TENM3: variants seen among roughly 807,000 people sequenced by gnomAD.
TENM3 encodes teneurin-3.
TENM3 carries 63 observed loss-of-function variants against 255.1 expected under a neutral mutation model. The observed-to-expected ratio is 0.25, with a 90% CI of 0.20 to 0.30. TENM3 has a LOEUF of 0.30. Among genes scored for constraint, TENM3 ranks in the 10% least tolerant of loss-of-function variants. The probability of loss-of-function intolerance (pLI) is 1.00; values close to 1 mark genes in which losing one functional copy is unlikely to be tolerated. For missense variants in TENM3, 2,929 were observed against 3,461.1 expected, an observed-to-expected ratio of 0.85 and a Z score of 3.86; for synonymous variants, 1,306 against 1,322.3, an observed-to-expected ratio of 0.99 and a Z score of 0.27.
chr4:182,496,654 A>G (rs1345189543), intron 3 of TENM3, among the ~76,000 whole-genome samples: 1 of 152,182 alleles, frequency 6.6e-6, no homozygotes, highest in East Asian at 1.9e-4. Context: ...TTGTAGCTTC[A>G]TTAAAAATCT....
chr4:181,977,803 CAG>C, the TENM3 span, among the ~76,000 whole-genome samples: 1 of 152,128 alleles, frequency 6.6e-6, no homozygotes, highest in Admixed American at 6.5e-5. Flanking sequence ...TGCTCACCAT[CAG>C]GGGTGAGGTG....
rs1336085292 is a variant in TENM3, at chr4:182,799,549, G to A, written c.7345-47G>A. ...CCCGTGTGTGGGTCAGGAGTGGGGA[G>A]GCTCCCGGCCGCCTCTGACGCGCCC... On this transcript the variant is annotated intron_variant, in intron 27 of 27. Coordinates refer to ENST00000511685, the MANE Select transcript of TENM3 (RefSeq NM_001080477.4). This position sits in a 1 kb window ranked among gnomAD's most constrained non-coding sequence, Gnocchi z 4.2. The A allele has an allele frequency of 5.3e-6, 8 of 1,519,798 alleles. No individual in the cohort carries two copies. Among genetic ancestry groups the A allele is most frequent in the Non-Finnish European group, 6.1e-6 (7 of 1,142,364 alleles). 94.1% of individuals were successfully genotyped at this position (1,519,798 alleles called of 1,614,324 possible).
chr4:182,375,725 G>T (rs1415605019), intron 3 of TENM3, among the ~76,000 whole-genome samples: 6 of 151,950 alleles, frequency 3.9e-5, no homozygotes, highest in Non-Finnish European at 7.4e-5. Context: ...TGTATTTTTG[G>T]TAGAGATGAG....
chr4:181,749,376 A>G, the TENM3 span, among the ~76,000 whole-genome samples: 4 of 152,124 alleles, frequency 2.6e-5, no homozygotes, highest in Admixed American at 2.0e-4. Flanking sequence ...TGTAATCCTA[A>G]TGCTTTCCCC....
rs1761254402 is a variant in TENM3 at position 182,737,440 on chromosome 4, T to C, written c.3235+365T>C. ...CTCCCTGGATTTCCTTATTTGTTTT[T>C]GTTTTCTGTGTCTAACACTAATGTA... On this transcript the variant is annotated intron_variant, in intron 17 of 27. Transcript: ENST00000511685. Among the ~76,000 whole-genome samples, 6 of 152,350 alleles carry C rather than the reference T, an allele frequency of 3.9e-5. No homozygotes were observed. In the South Asian group the frequency reaches 1.2e-3, roughly 32 times the overall value.
the TENM3 span, among the ~76,000 whole-genome samples, chr4:181,768,669 C>G: frequency 6.6e-6 from 1 of 151,950 alleles, no homozygotes; most frequent in South Asian, 2.1e-4. Flanking sequence ...TTTTTTCTAT[C>G]AAACCAGAAG....
chr4:182,444,209 A>G (rs1439903416), intron 3 of TENM3, among the ~76,000 whole-genome samples: 1 of 152,244 alleles, frequency 6.6e-6, no homozygotes, highest in Non-Finnish European at 1.5e-5. Flanking sequence ...GAAAAGACCC[A>G]TGATTTTAAA....
intron 1 of TENM3, among the ~76,000 whole-genome samples, chr4:182,292,109 T>C (rs1156430546): frequency 6.6e-6 from 1 of 152,188 alleles, no homozygotes; most frequent in African/African-American, 2.4e-5. Context: ...TGGAACAAAC[T>C]GCAAGGCTAA....
At chr4:181,574,266 T>G in the TENM3 span, among the ~76,000 whole-genome samples, 1 of 151,752 alleles carries the variant, frequency 6.6e-6, no homozygotes, top group African/African-American at 2.4e-5. Context: ...GCGCGGTGGC[T>G]CACGCCTGTA....
At chr4:182,590,623 G>T (rs952566120) in intron 3 of TENM3, among the ~76,000 whole-genome samples, 1 of 151,522 alleles carries the variant, frequency 6.6e-6, no homozygotes, top group Non-Finnish European at 1.5e-5. Flanking sequence ...ACTTTGGGGG[G>T]CTGAGGCAGG....
the TENM3 span, among the ~76,000 whole-genome samples, chr4:181,900,134 G>A: frequency 6.6e-6 from 1 of 152,026 alleles, no homozygotes; most frequent in South Asian, 2.1e-4. Flanking sequence ...AAAATTTGAG[G>A]AAGATCTTAA....
the TENM3 span, among the ~76,000 whole-genome samples, chr4:181,706,051 T>A: frequency 2.6e-5 from 4 of 152,194 alleles, no homozygotes; most frequent in Non-Finnish European, 4.4e-5. Flanking sequence ...CTCACCATCC[T>A]GGCAGGTAGC....
chr4:182,046,300 A>G, the TENM3 span, among the ~76,000 whole-genome samples: 41 of 152,108 alleles, frequency 2.7e-4, no homozygotes, highest in Non-Finnish European at 5.7e-4. Context: ...ATCTTTTTAT[A>G]TCTCAGTTTC....
intron 1 of TENM3, among the ~76,000 whole-genome samples, chr4:182,186,954 T>C (rs1753203843): frequency 6.6e-6 from 1 of 150,756 alleles, no homozygotes; most frequent in South Asian, 2.1e-4. Context: ...TAAATGTAAT[T>C]AGTTCAGTTT....
chr4:182,407,576 G>A (rs1769672832), intron 3 of TENM3, among the ~76,000 whole-genome samples: 1 of 152,128 alleles, frequency 6.6e-6, no homozygotes, highest in Admixed American at 6.5e-5. Flanking sequence ...GAGACCTTAA[G>A]CATTTGCTGA....
At chr4:181,886,048 G>GTTTTT in the TENM3 span, among the ~76,000 whole-genome samples, 16 of 102,538 alleles carry the variant, frequency 1.6e-4, no homozygotes, top group African/African-American at 3.9e-4. Context: ...TTTTTCTTGG[G>GTTTTT]TTTTTTTTTT....
chr4:182,074,611 A>AT, the TENM3 span, among the ~76,000 whole-genome samples: 1 of 152,230 alleles, frequency 6.6e-6, no homozygotes, highest in Non-Finnish European at 1.5e-5. Context: ...GCAAGAAAGA[A>AT]AGATGGAAAC....
At chr4:182,595,349 G>T (rs550285344) in intron 3 of TENM3, among the ~76,000 whole-genome samples, 1 of 151,958 alleles carries the variant, frequency 6.6e-6, no homozygotes, top group African/African-American at 2.4e-5. Flanking sequence ...CCAATAGCTC[G>T]TAGCATTTTC....
chr4:181,875,276 G>T, the TENM3 span, among the ~76,000 whole-genome samples: 75,857 of 151,976 alleles, frequency 0.5, 19,440 homozygotes, highest in Middle Eastern at 0.63. Flanking sequence ...TGTAATAAAT[G>T]ACCTGGCTAT....
Sources: gnomAD v4.1 joint callset for allele counts (sites outside exome capture counted in the v4.1 genomes callset) on GRCh38, gnomAD v4.1.1 for gene constraint, Gnocchi (gnomAD v3.1) non-coding constraint, MANE v1.5 for transcripts, NCBI Gene and HGNC (gene_info 2026-07-23, HGNC 2026-07-21) for gene names.